The following DAB1 variants were observed in gnomAD, a reference collection of about 807,000 sequenced individuals.
The protein encoded by DAB1 is DAB adaptor protein 1.
In DAB1, 15 loss-of-function variants were observed where a neutral mutation model predicts 64.6. The ratio of observed to expected loss-of-function variants is 0.23; its 90% CI spans 0.16 to 0.36. DAB1 has a LOEUF of 0.36. Ranked by LOEUF, DAB1 falls within the 10% of genes least tolerant of loss-of-function variation. The pLI is 1.00. For missense variants in DAB1, 596 were observed against 706.7 expected, an observed-to-expected ratio of 0.84 and a Z score of 1.78; for synonymous variants, 235 against 251.9, an observed-to-expected ratio of 0.93 and a Z score of 0.64.
intron 3 of DAB1, among the ~76,000 whole-genome samples, chr1:57,142,625 C>CACACACACAT (rs916876125): frequency 6.7e-6 from 1 of 148,564 alleles, no homozygotes; most frequent in African/African-American, 2.6e-5. Flanking sequence ...CACACACACA[C>CACACACACAT]ACACATACAC....
At chr1:57,455,952 G>T (rs909617650) in intron 7 of DAB1, among the ~76,000 whole-genome samples, 2 of 152,174 alleles carry the variant, frequency 1.3e-5, no homozygotes, top group Middle Eastern at 3.4e-3. Flanking sequence ...AAATTTCTTT[G>T]AAATTATTAA....
At position 58,196,201 on chromosome 1, in the gene DAB1, G is replaced by T. The variant is rs150982874; in HGVS notation, n.310-45613C>A. Among the ~76,000 whole-genome samples, 297 of 152,308 alleles carry T rather than the reference G, an allele frequency of 1.9e-3. 4 individuals carry two copies. The highest frequency in any genetic ancestry group is 0.017 in the Middle Eastern group (5 of 294). Reference sequence around the variant, plus strand: ...GAGAAAGGTATTACAAGCATAGGAAGTAGCATGTGCAAATGCAGGAGGTGA... The same window carrying T: ...GAGAAAGGTATTACAAGCATAGGAATTAGCATGTGCAAATGCAGGAGGTGA... On this transcript the variant is annotated intron_variant and non_coding_transcript_variant, in intron 4 of 20. Transcript: ENST00000485760.
rs544576332 is a variant in DAB1, at chr1:58,250,699, C to T, written n.309+92653G>A. 2.6e-5 allele frequency among the ~76,000 whole-genome samples: 4 copies of T among 152,306 alleles called. No individual in the cohort carries two copies. In the South Asian group the frequency reaches 8.3e-4, roughly 32 times the overall value. On this transcript the variant is annotated intron_variant and non_coding_transcript_variant, in intron 4 of 20. Coordinates refer to the DAB1 transcript ENST00000485760. ...AGCACCCACTCGCAGACTCCCTTCTCCGCTACGGTCACAGTGAGGTCTACA... is the reference window on the plus strand; with the variant it reads ...AGCACCCACTCGCAGACTCCCTTCTTCGCTACGGTCACAGTGAGGTCTACA...
intron 14 of DAB1, among the ~76,000 whole-genome samples, chr1:57,006,128 A>G (rs1385333680): frequency 6.6e-6 from 1 of 152,192 alleles, no homozygotes; most frequent in Non-Finnish European, 1.5e-5. Flanking sequence ...CACAAGGCAC[A>G]CATATTTACA....
intron 4 of DAB1, among the ~76,000 whole-genome samples, chr1:58,320,157 T>C (rs1662649182): frequency 6.6e-6 from 1 of 152,196 alleles, no homozygotes; most frequent in African/African-American, 2.4e-5. Flanking sequence ...GAAGAGACCT[T>C]TCTAACATGG....
intron 6 of DAB1, among the ~76,000 whole-genome samples, chr1:57,650,162 A>G (rs963675208): frequency 3.9e-5 from 6 of 152,140 alleles, no homozygotes; most frequent in African/African-American, 1.4e-4. Context: ...TTTAGAGACA[A>G]GGTGTCACTC....
chr1:58,361,129 G>A (rs982273881), intron 3 of DAB1, among the ~76,000 whole-genome samples: 2 of 152,304 alleles, frequency 1.3e-5, no homozygotes, highest in South Asian at 2.1e-4. Context: ...TGTGTACCAC[G>A]ATTGCTGTGG....
chr1:57,425,957 G>C (rs567648387), upstream of DAB1, among the ~76,000 whole-genome samples: 12 of 152,264 alleles, frequency 7.9e-5, no homozygotes, highest in Non-Finnish European at 1.6e-4. Flanking sequence ...CATCTCAAGA[G>C]TCTAAACTCA....
At chr1:58,435,418 A>G (rs1216202863) in intron 3 of DAB1, among the ~76,000 whole-genome samples, 2 of 151,962 alleles carry the variant, frequency 1.3e-5, no homozygotes, top group African/African-American at 4.8e-5. Context: ...TACCACTCAT[A>G]TCTTATGCAT....
At chr1:58,264,299 G>C (rs1661112900) in intron 4 of DAB1, among the ~76,000 whole-genome samples, 2 of 152,184 alleles carry the variant, frequency 1.3e-5, no homozygotes, top group African/African-American at 4.8e-5. Flanking sequence ...AGAGACCTTA[G>C]AGACCATCTA....
intron 7 of DAB1, among the ~76,000 whole-genome samples, chr1:57,639,991 G>A (rs577308968): frequency 6.6e-6 from 1 of 152,184 alleles, no homozygotes; most frequent in Non-Finnish European, 1.5e-5. Flanking sequence ...TTTCTCTCTG[G>A]CATGTGAAGT....
downstream of DAB1, among the ~76,000 whole-genome samples, chr1:57,824,756 C>T (rs1652270059): frequency 6.6e-6 from 1 of 152,212 alleles, no homozygotes; most frequent in Admixed American, 6.5e-5. Context: ...TTATGGCATT[C>T]ATCCAGAGCA....
In DAB1 at chr1:57,952,755, C is replaced by G. The variant is rs373349837; in HGVS notation, n.388-68593G>C. Among the ~76,000 whole-genome samples the G allele has an allele frequency of 1.4e-3, 212 of 152,224 alleles. 8 individuals carry two copies. The South Asian group carries it at 0.042, about 30-fold the overall frequency. ...ACACATTCCTCTCATTCCAATTCAA[C>G]TCAGCATCAGCTCAACTCATAGGAG... On this transcript the variant is annotated intron_variant and non_coding_transcript_variant, in intron 5 of 20. Transcript: ENST00000485760.
At chr1:57,552,800 A>C (rs575268126) in intron 7 of DAB1, among the ~76,000 whole-genome samples, 7 of 152,260 alleles carry the variant, frequency 4.6e-5, no homozygotes, top group Admixed American at 2.6e-4. Context: ...AAGCATTCAG[A>C]TTTATGCTCA....
At chr1:57,858,033 C>A (rs917406636) in intron 1 of DAB1, among the ~76,000 whole-genome samples, 6 of 151,718 alleles carry the variant, frequency 4.0e-5, no homozygotes, top group African/African-American at 1.5e-4. Context: ...AGATCAAGAT[C>A]CTGAGTCTAT....
At chr1:57,602,321 T>C (rs961643696) in intron 7 of DAB1, among the ~76,000 whole-genome samples, 3 of 152,322 alleles carry the variant, frequency 2.0e-5, no homozygotes, top group African/African-American at 7.2e-5. Context: ...TGTGAAGTTT[T>C]CTCACATTCA....
At chr1:57,354,730 T>C (rs986962292) in intron 1 of DAB1, among the ~76,000 whole-genome samples, 1 of 152,096 alleles carries the variant, frequency 6.6e-6, no homozygotes, top group Non-Finnish European at 1.5e-5. Flanking sequence ...CCCTGAGCAA[T>C]CCATCATGCT....
chr1:57,817,346 GA>G (rs1401826959), intron 6 of DAB1, among the ~76,000 whole-genome samples: 1 of 152,196 alleles, frequency 6.6e-6, no homozygotes. Context: ...GTCTTTGAAT[GA>G]AAATAGATAA....
intron 1 of DAB1, among the ~76,000 whole-genome samples, chr1:57,305,988 A>AG (rs906000735): frequency 4.0e-5 from 6 of 148,532 alleles, no homozygotes; most frequent in African/African-American, 1.2e-4. Flanking sequence ...AAAAAAAAGA[A>AG]AAAAGAAAAG....
Sources: allele counts gnomAD v4.1 joint callset (sites outside exome capture counted in the v4.1 genomes callset), GRCh38; gene constraint gnomAD v4.1.1; transcripts MANE v1.5; gene names NCBI Gene and HGNC (gene_info 2026-07-23, HGNC 2026-07-21).